The following CADM2 variants were observed in gnomAD, a reference collection of about 807,000 sequenced individuals.
The protein encoded by CADM2 is immunoglobulin superfamily member 4D.
A neutral mutation model predicts 49.8 loss-of-function variants in CADM2; 12 were observed. The ratio of observed to expected loss-of-function variants is 0.24; its 90% CI spans 0.15 to 0.39. The LOEUF (loss-of-function observed/expected upper bound fraction) is 0.39. Among genes scored for constraint, CADM2 ranks in the 10% least tolerant of loss-of-function variants. CADM2 has a pLI of 1.00. For missense variants in CADM2, 378 were observed against 492.3 expected, an observed-to-expected ratio of 0.77 and a Z score of 2.20; for synonymous variants, 214 against 175.4, an observed-to-expected ratio of 1.22 and a Z score of -1.74.
chr3:85,452,577 A>G (rs1406393162), intron 1 of CADM2, among the ~76,000 whole-genome samples: 1 of 151,790 alleles, frequency 6.6e-6, no homozygotes, highest in Non-Finnish European at 1.5e-5. Flanking sequence ...CAACAACAAC[A>G]ACAAAAAAGA....
chr3:85,084,147 T>C (rs539356111), intron 1 of CADM2, among the ~76,000 whole-genome samples: 6 of 152,282 alleles, frequency 3.9e-5, no homozygotes, highest in Admixed American at 3.3e-4. Context: ...TCCTTAGGCT[T>C]TTCTGTAGTT....
At chr3:85,221,660 A>G (rs2107792906) in intron 1 of CADM2, among the ~76,000 whole-genome samples, 1 of 152,302 alleles carries the variant, frequency 6.6e-6, no homozygotes, top group African/African-American at 2.4e-5. Flanking sequence ...CCATAAATAT[A>G]TATAAGAAAA....
At chr3:85,283,227 A>G (rs902415316) in intron 1 of CADM2, among the ~76,000 whole-genome samples, 2 of 151,910 alleles carry the variant, frequency 1.3e-5, no homozygotes, top group Non-Finnish European at 2.9e-5. Flanking sequence ...TGAAATTACA[A>G]TGTAGTTTTT....
intron 1 of CADM2, among the ~76,000 whole-genome samples, chr3:85,533,449 CA>C (rs1294014441): frequency 6.6e-6 from 1 of 151,934 alleles, no homozygotes; most frequent in Non-Finnish European, 1.5e-5. Flanking sequence ...TCTGAGGAGG[CA>C]AAAGTCTGTG....
chr3:85,823,704 T>C (rs1312543602), intron 3 of CADM2, among the ~76,000 whole-genome samples: 1 of 152,138 alleles, frequency 6.6e-6, no homozygotes, highest in Non-Finnish European at 1.5e-5. Context: ...TACAATTATT[T>C]TTCATTTTAA....
At chr3:85,172,200 G>A (rs2040647258) in intron 1 of CADM2, among the ~76,000 whole-genome samples, 1 of 152,156 alleles carries the variant, frequency 6.6e-6, no homozygotes, top group South Asian at 2.1e-4. Flanking sequence ...AGTCATGGGT[G>A]AGCCCCAGTT....
intron 1 of CADM2, among the ~76,000 whole-genome samples, chr3:85,265,145 A>G (rs532786564): frequency 3.2e-4 from 49 of 152,162 alleles, no homozygotes; most frequent in African/African-American, 1.1e-3. Context: ...AAAATACAGA[A>G]TCCACATTAA....
intron 1 of CADM2, among the ~76,000 whole-genome samples, chr3:85,154,963 C>A (rs368685114): frequency 6.6e-6 from 1 of 151,612 alleles, no homozygotes; most frequent in South Asian, 2.1e-4. Flanking sequence ...AAGGAACAAC[C>A]GGTACCAGCC....
At chr3:85,751,495 T>C (rs2068859300) in intron 2 of CADM2, among the ~76,000 whole-genome samples, 1 of 152,198 alleles carries the variant, frequency 6.6e-6, no homozygotes, top group Admixed American at 6.6e-5. Context: ...ATGGAAAGGT[T>C]ATTCAGAATT....
intron 1 of CADM2, among the ~76,000 whole-genome samples, chr3:85,009,684 G>A (rs1415842462): frequency 6.6e-6 from 1 of 151,870 alleles, no homozygotes; most frequent in Non-Finnish European, 1.5e-5. Context: ...TGGACAACAC[G>A]GTGAAACCCC....
At chr3:84,979,994 C>G (rs926031818) in intron 1 of CADM2, among the ~76,000 whole-genome samples, 1 of 152,036 alleles carries the variant, frequency 6.6e-6, no homozygotes, top group African/African-American at 2.4e-5. Context: ...GTTAAGAAAG[C>G]CAAATACCTA....
chr3:85,957,778 A>T (rs898950688), intron 7 of CADM2, among the ~76,000 whole-genome samples: 23 of 151,802 alleles, frequency 1.5e-4, no homozygotes, highest in African/African-American at 5.6e-4. Context: ...TAGCTCACAG[A>T]ACTCAGGGAA....
chr3:85,566,799 G>A (rs187756313), intron 1 of CADM2, among the ~76,000 whole-genome samples: 2 of 152,240 alleles, frequency 1.3e-5, no homozygotes, highest in African/African-American at 4.8e-5. Flanking sequence ...ATTGAAGATC[G>A]CAAGGATGCT....
chr3:85,144,506 G>A (rs1275680260), intron 1 of CADM2, among the ~76,000 whole-genome samples: 1 of 151,830 alleles, frequency 6.6e-6, no homozygotes, highest in Non-Finnish European at 1.5e-5. Context: ...CAGATATTCA[G>A]GAGGCTGAGG....
At chr3:85,507,259 T>G (rs1438508595) in intron 1 of CADM2, among the ~76,000 whole-genome samples, 1 of 151,124 alleles carries the variant, frequency 6.6e-6, no homozygotes, top group Non-Finnish European at 1.5e-5. Flanking sequence ...TCTCGGCTTA[T>G]TGCAACCTCC....
At chr3:85,304,165 A>C (rs960908062) in intron 1 of CADM2, among the ~76,000 whole-genome samples, 1 of 151,874 alleles carries the variant, frequency 6.6e-6, no homozygotes, top group Non-Finnish European at 1.5e-5. Flanking sequence ...CTGTTCTAAG[A>C]AACATGAAAA....
At chr3:85,860,705 C>T (rs2075496183) in intron 3 of CADM2, among the ~76,000 whole-genome samples, 1 of 152,122 alleles carries the variant, frequency 6.6e-6, no homozygotes, top group African/African-American at 2.4e-5. Context: ...ATGACTGAAT[C>T]CTAGCTCCAA....
At chr3:85,383,466 G>A (rs1177589054) in intron 1 of CADM2, among the ~76,000 whole-genome samples, 2 of 142,706 alleles carry the variant, frequency 1.4e-5, no homozygotes, top group Non-Finnish European at 3.0e-5. Flanking sequence ...ACACAAGATT[G>A]TGGAAAAAAG....
intron 1 of CADM2, among the ~76,000 whole-genome samples, chr3:85,351,561 A>AGC (rs2031353976): frequency 6.6e-6 from 1 of 152,252 alleles, no homozygotes; most frequent in Middle Eastern, 3.4e-3. Context: ...TGATCTGGGA[A>AGC]CACTCAGGCT....
Sources: allele counts gnomAD v4.1 joint callset (sites outside exome capture counted in the v4.1 genomes callset), GRCh38; gene constraint gnomAD v4.1.1; transcripts MANE v1.5; gene names NCBI Gene and HGNC (gene_info 2026-07-23, HGNC 2026-07-21).